Variants in SIRT5 observed in about 807,000 individuals in gnomAD.
SIRT5 encodes sirtuin 5.
A neutral mutation model predicts 40.0 loss-of-function variants in SIRT5; 26 were observed. The observed-to-expected ratio is 0.65, with a 90% CI of 0.48 to 0.90. The LOEUF (loss-of-function observed/expected upper bound fraction) is 0.90, where lower values mean the gene tolerates loss of function less well. Among genes scored for constraint, SIRT5 ranks in the 40% least tolerant of loss-of-function variants. The pLI, the probability that SIRT5 is intolerant of heterozygous loss-of-function variation, is 0.00. For missense variants in SIRT5, 401 were observed against 402.4 expected, an observed-to-expected ratio of 1.00 and a Z score of 0.03; for synonymous variants, 146 against 149.1, an observed-to-expected ratio of 0.98 and a Z score of 0.15.
In SIRT5 at chr6:13,611,244, C is replaced by T. The variant is rs1438697611; in HGVS notation, c.858-546C>T. Reference sequence around the variant, plus strand: ...ATATATATATATATATATACACACACACATACACACACACATATATATACA... The same window carrying T: ...ATATATATATATATATATACACACATACATACACACACACATATATATACA... On this transcript the variant is annotated intron_variant, in intron 9 of 9. Coordinates refer to ENST00000606117, the MANE Select transcript of SIRT5 (RefSeq NM_012241.5). Among the ~76,000 whole-genome samples the T allele has an allele frequency of 3.9e-3, 439 of 112,194 alleles. 3 individuals carry two copies. Among genetic ancestry groups the T allele is most frequent in the African/African-American group, 0.013 (399 of 31,274 alleles). The allele number at this position is 112,194 out of a possible 152,430, so 73.6% of individuals were successfully genotyped here.
At chr6:13,595,330 T>A in intron 5 of SIRT5, 147 bp from the exon 6 acceptor site, 1 of 631,454 alleles carries the variant, frequency 1.6e-6, no homozygotes, top group Non-Finnish European at 2.8e-6. Flanking sequence ...GCTATGATCG[T>A]ACTGCTACAC....
At position 13,607,524 on chromosome 6, in the gene SIRT5, G is replaced by T. The variant is rs1763270507; in HGVS notation, c.858-4266G>T. Among the ~76,000 whole-genome samples, 1 of 152,114 alleles carries T rather than the reference G, an allele frequency of 6.6e-6. No individual in the cohort carries two copies. The highest frequency in any genetic ancestry group is 2.1e-4 in the South Asian group (1 of 4,830). On this transcript the variant is annotated intron_variant, in intron 9 of 9. Transcript: ENST00000606117. This position sits in a 1 kb window ranked among gnomAD's most constrained non-coding sequence, Gnocchi z 4.0. Reference sequence around the variant, plus strand: ...TATTACGTAATTTTAAATGCAGCAGGATGATTACATTAACCAATGCAAGTG... The same window carrying T: ...TATTACGTAATTTTAAATGCAGCAGTATGATTACATTAACCAATGCAAGTG...
intron 8 of SIRT5, 93 bp from the exon 9 acceptor site, chr6:13,600,741 A>C: frequency 1.0e-6 from 1 of 990,126 alleles, no homozygotes; most frequent in Non-Finnish European, 1.5e-6. Flanking sequence ...CTGCAACCAC[A>C]GACCTGCCTG....
intron 2 of SIRT5, among the ~76,000 whole-genome samples, chr6:13,581,869 A>G (rs1759382639): frequency 6.6e-6 from 1 of 152,182 alleles, no homozygotes; most frequent in Admixed American, 6.5e-5. Flanking sequence ...TGAAGCCACA[A>G]AGATGACCAA....
At chr6:13,586,085 G>C (rs1458477173) in intron 3 of SIRT5, among the ~76,000 whole-genome samples, 1 of 152,114 alleles carries the variant, frequency 6.6e-6, no homozygotes. Flanking sequence ...CTTTTTGATG[G>C]GGTTGTGTGT....
chr6:13,609,467 C>G (rs898802990), intron 9 of SIRT5, among the ~76,000 whole-genome samples: 9 of 152,176 alleles, frequency 5.9e-5, no homozygotes, highest in African/African-American at 2.2e-4. Context: ...GGGTCAACAT[C>G]ATGTCTGGCT....
chr6:13,600,273 G>A (rs749836299), intron 8 of SIRT5, among the ~76,000 whole-genome samples: 1 of 152,184 alleles, frequency 6.6e-6, no homozygotes, highest in Non-Finnish European at 1.5e-5. Flanking sequence ...CCAGTGTTGA[G>A]TATAGTGCCA....
At chr6:13,598,919 G>A in intron 7 of SIRT5, 113 bp from the exon 8 acceptor site, 2 of 1,217,914 alleles carry the variant, frequency 1.6e-6, no homozygotes, top group Non-Finnish European at 2.3e-6. Context: ...GGGAATAAGA[G>A]GCATCAGAGG....
chr6:13,592,688 G>A (rs1761084420), intron 5 of SIRT5, among the ~76,000 whole-genome samples: 1 of 152,126 alleles, frequency 6.6e-6, no homozygotes, highest in Non-Finnish European at 1.5e-5. Flanking sequence ...GGGTCCCTCT[G>A]GGCTCCTTCC....
At chr6:13,585,444 C>G (rs1027126523) in intron 3 of SIRT5, among the ~76,000 whole-genome samples, 1 of 151,832 alleles carries the variant, frequency 6.6e-6, no homozygotes, top group Admixed American at 6.6e-5. Context: ...GCCCTGTACC[C>G]ATGTGTTCTC....
intron 1 of SIRT5, among the ~76,000 whole-genome samples, chr6:13,577,699 C>G (rs1758802360): frequency 6.8e-6 from 1 of 148,108 alleles, no homozygotes; most frequent in South Asian, 2.1e-4. Context: ...ATCTTATATA[C>G]ATAGATATTA....
chr6:13,603,751 A>C lies in SIRT5; in HGVS notation c.857+2802A>C, dbSNP rs1256709223. On this transcript the variant is annotated intron_variant, in intron 9 of 9. Coordinates refer to ENST00000606117, the MANE Select transcript of SIRT5 (RefSeq NM_012241.5). ...ACATCTACACAAAAATCTGTACACA[A>C]ATGTTCATAGCAACTTGTTAATGGA... Among the ~76,000 whole-genome samples the C allele has an allele frequency of 4.6e-5, 7 of 152,358 alleles. No homozygotes were observed. In the South Asian group the frequency reaches 1.2e-3, roughly 27 times the overall value.
rs1300110064 is a variant in SIRT5, at chr6:13,614,215, G to C, written c.*2350G>C. The stretch of plus-strand genomic sequence containing the variant: ...CCCTCAGGGGTTCACAGAATGGCTG[G>C]AGCAACTGTCATATAAGCTGTTATG... On this transcript the variant is annotated 3_prime_UTR_variant, in exon 10 of 10. Coordinates refer to ENST00000606117, the MANE Select transcript of SIRT5 (RefSeq NM_012241.5). 2 of 152,182 alleles carry C rather than the reference G, an allele frequency of 1.3e-5. No individual in the cohort carries two copies. The highest frequency in any genetic ancestry group is 2.9e-5 in the Non-Finnish European group (2 of 68,046). 9.4% of individuals were successfully genotyped at this position (152,182 alleles called of 1,614,324 possible).
intron 9 of SIRT5, among the ~76,000 whole-genome samples, chr6:13,602,749 A>AC (rs1450372208): frequency 6.6e-6 from 1 of 152,178 alleles, no homozygotes; most frequent in East Asian, 1.9e-4. Context: ...ATAAGCTTGG[A>AC]CCCCTCTGTC....
chr6:13,580,914 G>C lies in SIRT5; in HGVS notation c.-36+1305G>C, dbSNP rs575981693. 2.0e-5 allele frequency among the ~76,000 whole-genome samples: 3 copies of C among 152,330 alleles called. No homozygotes were observed. In the East Asian group the frequency reaches 5.8e-4, roughly 29 times the overall value. ...GGGCTCAAGTGATCCTCCTGCCTCA[G>C]CCTCCCAAAGTCCTGGGATTACAGG... On this transcript the variant is annotated intron_variant, in intron 2 of 9. Transcript: ENST00000606117.
intron 9 of SIRT5, chr6:13,605,694 TA>T: frequency 1.0e-6 from 1 of 985,488 alleles, no homozygotes. Flanking sequence ...TGATTTCTGA[TA>T]AACCCTGACT....
intron 2 of SIRT5, among the ~76,000 whole-genome samples, chr6:13,583,562 G>A (rs2127621171): frequency 6.6e-6 from 1 of 152,254 alleles, no homozygotes; most frequent in African/African-American, 2.4e-5. Context: ...CCAAAGTGGT[G>A]GGATTATAGG....
chr6:13,593,800 A>G (rs927080430), intron 5 of SIRT5, among the ~76,000 whole-genome samples: 1 of 152,182 alleles, frequency 6.6e-6, no homozygotes, highest in Non-Finnish European at 1.5e-5. Flanking sequence ...TAGAAATTAT[A>G]TCTTTCCAGG....
At chr6:13,604,728 G>A in intron 9 of SIRT5, 1 of 1,343,626 alleles carries the variant, frequency 7.4e-7, no homozygotes, top group South Asian at 1.8e-5. Flanking sequence ...CAGTTCAGGA[G>A]AGATTCTTGG....
Sources: allele counts gnomAD v4.1 joint callset (sites outside exome capture counted in the v4.1 genomes callset), GRCh38; gene constraint gnomAD v4.1.1; non-coding constraint Gnocchi (gnomAD v3.1); transcripts MANE v1.5; gene names NCBI Gene and HGNC (gene_info 2026-07-23, HGNC 2026-07-21).